RBFOX1: variants seen among roughly 807,000 people sequenced by gnomAD.
The protein encoded by RBFOX1 is RNA binding fox-1 homolog 1.
RBFOX1 carries 8 observed loss-of-function variants against 57.7 expected under a neutral mutation model. The observed-to-expected ratio is 0.14, with a 90% CI of 0.08 to 0.25. The LOEUF (loss-of-function observed/expected upper bound fraction) is 0.25. Ranked by LOEUF, RBFOX1 falls within the 10% of genes least tolerant of loss-of-function variation. RBFOX1 has a pLI of 1.00. For missense variants in RBFOX1, 611 were observed against 548.5 expected (o/e 1.11, Z -1.14); for synonymous variants, 326 against 222.4 (o/e 1.47, Z -4.15).
intron 4 of RBFOX1, among the ~76,000 whole-genome samples, chr16:5,900,861 C>G (rs1010920222): frequency 1.3e-5 from 2 of 152,132 alleles, no homozygotes; most frequent in African/African-American, 4.8e-5. Context: ...CCCAGAGCCC[C>G]TATTCCAAAA....
intron 1 of RBFOX1, among the ~76,000 whole-genome samples, chr16:6,058,921 CAG>C (rs2095650664): frequency 6.6e-6 from 1 of 152,200 alleles, no homozygotes; most frequent in Non-Finnish European, 1.5e-5. Flanking sequence ...CACCATTTTG[CAG>C]AGTTGCTTCA....
At chr16:6,792,067 T>C (rs1567263945) in intron 3 of RBFOX1, among the ~76,000 whole-genome samples, 2 of 152,174 alleles carry the variant, frequency 1.3e-5, no homozygotes, top group South Asian at 2.1e-4. Context: ...AACTATCACA[T>C]ATATTACTGA....
chr16:6,075,096 C>G (rs942956835), intron 1 of RBFOX1, among the ~76,000 whole-genome samples: 4 of 152,142 alleles, frequency 2.6e-5, no homozygotes, highest in Non-Finnish European at 5.9e-5. Flanking sequence ...TAAAGAATAT[C>G]CCTGCTTCTG....
At chr16:6,000,538 ACT>A (rs2060579210) in intron 4 of RBFOX1, among the ~76,000 whole-genome samples, 3 of 151,868 alleles carry the variant, frequency 2.0e-5, no homozygotes, top group South Asian at 2.1e-4. Flanking sequence ...AAGGGCGAAA[ACT>A]CTATGTTTTC....
intron 4 of RBFOX1, among the ~76,000 whole-genome samples, chr16:7,427,116 G>C: frequency 6.6e-6 from 1 of 152,170 alleles, no homozygotes; most frequent in South Asian, 2.1e-4. Context: ...GGCCTGTCAT[G>C]CAGTGGGGGG....
At chr16:5,607,826 C>T (rs1044493665) in intron 3 of RBFOX1, among the ~76,000 whole-genome samples, 20 of 152,208 alleles carry the variant, frequency 1.3e-4, no homozygotes, top group Non-Finnish European at 2.2e-4. Context: ...TCAAAAGCAT[C>T]CCTAGGAGAA....
chr16:6,443,866 C>G (rs930842551), intron 2 of RBFOX1, among the ~76,000 whole-genome samples: 4 of 152,092 alleles, frequency 2.6e-5, no homozygotes, highest in Admixed American at 6.6e-5. Flanking sequence ...ATCCATCCAT[C>G]CATCCCTCCA....
intron 3 of RBFOX1, among the ~76,000 whole-genome samples, chr16:6,926,242 G>A (rs1252839160): frequency 6.6e-6 from 1 of 152,166 alleles, no homozygotes; most frequent in Non-Finnish European, 1.5e-5. Flanking sequence ...GGGAGGGGGA[G>A]GTTGCAGTGA....
At chr16:7,649,903 G>T (rs1456767876) in intron 11 of RBFOX1, among the ~76,000 whole-genome samples, 1 of 152,032 alleles carries the variant, frequency 6.6e-6, no homozygotes, top group Non-Finnish European at 1.5e-5. Context: ...CAAAGTGACT[G>T]AAAGGAAGGA....
intron 4 of RBFOX1, among the ~76,000 whole-genome samples, chr16:5,937,338 G>C (rs540678208): frequency 5.9e-5 from 9 of 152,274 alleles, no homozygotes; most frequent in South Asian, 2.1e-4. Context: ...CCTGTCCTCA[G>C]AGAACTGAAG....
At position 7,597,570 on chromosome 16, in the gene RBFOX1, A is replaced by C. The variant is rs948022212; in HGVS notation, c.622+139A>C. 3.2e-5 allele frequency: 21 copies of C among 656,200 alleles called. No individual in the cohort carries two copies. The Admixed American group carries it at 6.3e-4, about 20-fold the overall frequency. The allele number at this position is 656,200 out of a possible 1,614,324, so 40.6% of individuals were successfully genotyped here. On this transcript the variant is annotated intron_variant, in intron 9 of 15. Coordinates refer to ENST00000550418, the MANE Select transcript of RBFOX1 (RefSeq NM_018723.4). ...TTTTACTACTGACCTGCTACAGTGA[A>C]CCACCTACATCAATAAGATCATTTT...
At chr16:6,340,911 A>G (rs1003954280) in intron 2 of RBFOX1, among the ~76,000 whole-genome samples, 1 of 152,100 alleles carries the variant, frequency 6.6e-6, no homozygotes, top group Admixed American at 6.6e-5. Flanking sequence ...AGGTAACAGC[A>G]CTTCTGGGGA....
intron 6 of RBFOX1, among the ~76,000 whole-genome samples, chr16:7,580,581 G>A (rs1260731096): frequency 6.6e-6 from 1 of 152,166 alleles, no homozygotes; most frequent in Non-Finnish European, 1.5e-5. Flanking sequence ...GCCTTGCCCA[G>A]GCACCATGGT....
At chr16:6,160,611 C>T (rs189862024) in intron 1 of RBFOX1, among the ~76,000 whole-genome samples, 3 of 152,288 alleles carry the variant, frequency 2.0e-5, no homozygotes, top group Admixed American at 1.3e-4. Flanking sequence ...CACGCATCTT[C>T]TCCTGTCTGT....
At position 6,643,170 on chromosome 16, in the gene RBFOX1, C is replaced by T. The variant is rs149375732; in HGVS notation, c.-63-11433C>T. On this transcript the variant is annotated intron_variant, in intron 2 of 15. Transcript: ENST00000550418. ...TCATTTGAGACTTAAATTTTGAAGG[C>T]ACAGAAAGATTGAGAAATTTAAAAA... Among the ~76,000 whole-genome samples, 53 of 152,212 alleles carry T rather than the reference C, an allele frequency of 3.5e-4. No individual in the cohort carries two copies. The East Asian group carries it at 7.5e-3, about 22-fold the overall frequency.
intron 4 of RBFOX1, chr16:5,867,394 G>C (rs1190000252): frequency 9.7e-7 from 1 of 1,029,342 alleles, no homozygotes; most frequent in Admixed American, 4.3e-5. Context: ...TTTCTTTTGT[G>C]ATGGAGTGTA....
intron 4 of RBFOX1, among the ~76,000 whole-genome samples, chr16:7,490,663 A>G (rs2066688686): frequency 6.6e-6 from 1 of 152,218 alleles, no homozygotes; most frequent in African/African-American, 2.4e-5. Context: ...GATTGTAACT[A>G]TGGTCTGTGC....
At chr16:7,120,898 AAAT>A (rs1329551783) in intron 4 of RBFOX1, among the ~76,000 whole-genome samples, 2 of 150,544 alleles carry the variant, frequency 1.3e-5, no homozygotes, top group South Asian at 2.1e-4. Context: ...TAATACAGAA[AAAT>A]AATAACATAG....
chr16:7,220,272 T>A (rs2092623400), intron 4 of RBFOX1, among the ~76,000 whole-genome samples: 1 of 152,208 alleles, frequency 6.6e-6, no homozygotes, highest in African/African-American at 2.4e-5. Context: ...GGGCGTCTGG[T>A]CCTGCCCATT....
Sources: gnomAD v4.1 joint callset for allele counts (sites outside exome capture counted in the v4.1 genomes callset) on GRCh38, gnomAD v4.1.1 for gene constraint, MANE v1.5 for transcripts, NCBI Gene and HGNC (gene_info 2026-07-23, HGNC 2026-07-21) for gene names.